STAU2: variants seen among roughly 807,000 people sequenced by gnomAD.
STAU2 encodes the protein double-stranded RNA-binding protein Staufen homolog 2.
STAU2 carries 20 observed loss-of-function variants against 65.9 expected under a neutral mutation model. The ratio of observed to expected loss-of-function variants is 0.30; its 90% CI spans 0.21 to 0.44. STAU2 has a LOEUF of 0.44. Among genes scored for constraint, STAU2 ranks in the 20% least tolerant of loss-of-function variants. STAU2 has a pLI of 1.00. For synonymous variants in STAU2, 232 were observed against 233.9 expected (o/e 0.99, Z 0.07); for missense variants, 558 against 683.9 (o/e 0.82, Z 2.05).
chr8:73,552,290 C>T lies in STAU2; in HGVS notation c.1252G>A (p.Asp418Asn). The change falls in exon 13 of 15, where the codon GAT becomes AAT. Residue 418 changes from aspartate to asparagine, a missense_variant. Asp to Asn is a conservative substitution (Grantham distance 23, BLOSUM62 1). Coordinates refer to ENST00000524300, the MANE Select transcript of STAU2 (RefSeq NM_001164380.2). ...CTGGCTTCCATCTCTTGATAAACAT[C>T]AGGAGACAAATGAAGAATTCCTTTT... ...TPKGILHLSP[D>N]VYQEMEASRH... is the part of the protein sequence containing the mutation. The T allele has an allele frequency of 5.0e-6, 8 of 1,612,924 alleles. No homozygotes were observed. The highest frequency in any genetic ancestry group is 6.8e-6 in the Non-Finnish European group (8 of 1,179,418).
chr8:73,568,030 C>A (rs891839311), intron 12 of STAU2, among the ~76,000 whole-genome samples: 10 of 152,086 alleles, frequency 6.6e-5, no homozygotes, highest in Non-Finnish European at 1.5e-4. Context: ...TAACATTATA[C>A]AAAGAAGTTT....
At chr8:73,737,259 C>T (rs1479889764) in intron 3 of STAU2, among the ~76,000 whole-genome samples, 1 of 151,986 alleles carries the variant, frequency 6.6e-6, no homozygotes, top group Admixed American at 6.6e-5. Context: ...CAACCTCCGC[C>T]TCCCGGGTTC....
chr8:73,561,487 C>G (rs775258371), intron 12 of STAU2: 1 of 450,210 alleles, frequency 2.2e-6, no homozygotes, highest in Non-Finnish European at 4.4e-6. Context: ...AAATAAAGAT[C>G]GTTCTTCTTG....
rs933899011 is a variant in STAU2, at chr8:73,551,922, G to T, written c.1530+90C>A. 2.9e-5 allele frequency: 42 copies of T among 1,438,368 alleles called. No homozygotes were observed. The African/African-American group carries it at 5.5e-4, about 19-fold the overall frequency. The allele number at this position is 1,438,368 out of a possible 1,614,324, so 89.1% of individuals were successfully genotyped here. A position where few individuals can be genotyped will look rare whatever the true frequency, so the allele number is the denominator to read the frequency against. The stretch of plus-strand genomic sequence containing the variant: ...CGTAAGTGGCATGTAGGCCATACTA[G>T]CAGGCAAGAATGAGCCTTGTGATGT... On this transcript the variant is annotated intron_variant, in intron 13 of 14. Transcript: ENST00000524300.
At chr8:73,700,151 G>A (rs1819990215) in intron 4 of STAU2, among the ~76,000 whole-genome samples, 1 of 151,912 alleles carries the variant, frequency 6.6e-6, no homozygotes, top group South Asian at 2.1e-4. Flanking sequence ...CAAATAACTG[G>A]GCATAAAAGG....
At chr8:73,716,016 G>T (rs1586336444) in intron 3 of STAU2, among the ~76,000 whole-genome samples, 1 of 152,118 alleles carries the variant, frequency 6.6e-6, no homozygotes, top group African/African-American at 2.4e-5. Context: ...CCAAGCTCAA[G>T]CGATTCTTCT....
intron 13 of STAU2, among the ~76,000 whole-genome samples, chr8:73,444,138 G>A (rs1402863396): frequency 2.0e-5 from 3 of 152,154 alleles, no homozygotes; most frequent in African/African-American, 7.2e-5. Context: ...TGGGTGCTGC[G>A]GCTCACGTCT....
intron 6 of STAU2, among the ~76,000 whole-genome samples, chr8:73,670,284 G>C (rs990652299): frequency 1.3e-5 from 2 of 152,078 alleles, no homozygotes; most frequent in African/African-American, 4.8e-5. Flanking sequence ...TTACAGGAGA[G>C]AATGAAATAT....
Position 73,606,421 on chromosome 8 carries a change from T to C in STAU2, c.892-2558A>G, listed in dbSNP as rs574690337. Among the ~76,000 whole-genome samples the C allele has an allele frequency of 3.0e-4, 46 of 152,208 alleles. No individual in the cohort carries two copies. The South Asian group carries it at 9.1e-3, about 30-fold the overall frequency. On this transcript the variant is annotated intron_variant, in intron 9 of 14. Transcript: ENST00000524300. ...TTATTTGAAATAAGCAATTAAAATT[T>C]GTTAAGCTGGCAAAAAATTTAAATA...
chr8:73,531,834 C>T (rs1301043502), intron 13 of STAU2, among the ~76,000 whole-genome samples: 2 of 152,166 alleles, frequency 1.3e-5, no homozygotes, highest in African/African-American at 4.8e-5. Flanking sequence ...TCTGCTAGAA[C>T]AAAGCAGTGC....
intron 5 of STAU2, among the ~76,000 whole-genome samples, chr8:73,686,522 C>T (rs966822255): frequency 6.6e-6 from 1 of 150,412 alleles, no homozygotes; most frequent in Non-Finnish European, 1.5e-5. Context: ...TGCACTCCAG[C>T]CTGGTGACAG....
intron 8 of STAU2, among the ~76,000 whole-genome samples, chr8:73,615,302 GA>G (rs1293074774): frequency 6.7e-6 from 1 of 149,418 alleles, no homozygotes; most frequent in African/African-American, 2.5e-5. Context: ...CCACACAATT[GA>G]AAAAAAAATT....
At chr8:73,585,963 T>C (rs1486794242) in intron 11 of STAU2, among the ~76,000 whole-genome samples, 1 of 152,246 alleles carries the variant, frequency 6.6e-6, no homozygotes, top group Non-Finnish European at 1.5e-5. Flanking sequence ...TCTTTCCTGC[T>C]GCCCTATAAA....
intron 13 of STAU2, among the ~76,000 whole-genome samples, chr8:73,505,823 G>A (rs2128922001): frequency 6.6e-6 from 1 of 152,212 alleles, no homozygotes; most frequent in South Asian, 2.1e-4. Flanking sequence ...GGCCTGGCAG[G>A]AGGTAACTAG....
At chr8:73,611,675 T>G (rs187239439) in intron 9 of STAU2, among the ~76,000 whole-genome samples, 5 of 149,640 alleles carry the variant, frequency 3.3e-5, no homozygotes, top group Non-Finnish European at 4.4e-5. Context: ...TTATTATGAT[T>G]ATTATTATTA....
chr8:73,435,577 T>C (rs1438286880), intron 13 of STAU2, among the ~76,000 whole-genome samples: 1 of 151,806 alleles, frequency 6.6e-6, no homozygotes, highest in Non-Finnish European at 1.5e-5. Context: ...GCGGCCAAAA[T>C]GCAAAGGGAT....
intron 6 of STAU2, among the ~76,000 whole-genome samples, chr8:73,642,234 T>G (rs1335448553): frequency 6.6e-6 from 1 of 152,140 alleles, no homozygotes; most frequent in Non-Finnish European, 1.5e-5. Flanking sequence ...ACTCAAAAAC[T>G]TTCATCTTTG....
rs192257611 is a variant in STAU2 at position 73,636,714 on chromosome 8, T to A, written c.411-19263A>T. On this transcript the variant is annotated intron_variant, in intron 6 of 14. Coordinates refer to ENST00000524300, the MANE Select transcript of STAU2 (RefSeq NM_001164380.2). ...CCTGTCTCTACTAAAAATATAAGAA[T>A]TAGCCGAGTGTGGTGGCACACAGCT... Among the ~76,000 whole-genome samples, 462 of 151,720 alleles carry A rather than the reference T, an allele frequency of 3.0e-3. 11 individuals carry two copies. Among genetic ancestry groups the A allele is most frequent in the Admixed American group, 0.029 (435 of 15,246 alleles).
chr8:73,575,828 C>A lies in STAU2; in HGVS notation c.1222+6942G>T, dbSNP rs367714938. Among the ~76,000 whole-genome samples the A allele has an allele frequency of 6.4e-5, 7 of 108,530 alleles. 1 individual carries two copies. The highest frequency in any genetic ancestry group is 6.2e-4 in the South Asian group (2 of 3,236). The allele number at this position is 108,530 out of a possible 152,430, so 71.2% of individuals were successfully genotyped here. A position where few individuals can be genotyped will look rare whatever the true frequency, so the allele number is the denominator to read the frequency against. ...TCTGGGACAATACACACACAAAAAA[C>A]CACAAGTTACCTGCTTGAAGGTCAG... On this transcript the variant is annotated intron_variant, in intron 12 of 14. Coordinates refer to ENST00000524300, the MANE Select transcript of STAU2 (RefSeq NM_001164380.2).
Sources: gnomAD v4.1 joint callset for allele counts (sites outside exome capture counted in the v4.1 genomes callset) on GRCh38, gnomAD v4.1.1 for gene constraint, MANE v1.5 for transcripts, NCBI Gene and HGNC (gene_info 2026-07-23, HGNC 2026-07-21) for gene names.